C4orf36: variants seen among roughly 807,000 people sequenced by gnomAD.
The protein encoded by C4orf36 is uncharacterized protein C4orf36.
Under a neutral mutation model 12.2 loss-of-function variants are expected in C4orf36, and 11 were observed. The observed-to-expected ratio is 0.90, with a 90% CI of 0.57 to 1.49. The LOEUF is 1.49. C4orf36 is among the 40% of genes most tolerant of loss of function. C4orf36 has a pLI of 0.00. For synonymous variants in C4orf36, 54 were observed against 51.3 expected, an observed-to-expected ratio of 1.05 and a Z score of -0.22; for missense variants, 137 against 133.9, an observed-to-expected ratio of 1.02 and a Z score of -0.11.
chr4:86,885,181 G>A (rs1308380964), intron 4 of C4orf36, among the ~76,000 whole-genome samples: 4 of 152,158 alleles, frequency 2.6e-5, no homozygotes, highest in Admixed American at 6.5e-5. Flanking sequence ...GGCAATGCGG[G>A]CTCTTTTTTG....
chr4:86,905,290 G>A, the C4orf36 span, among the ~76,000 whole-genome samples: 1 of 152,036 alleles, frequency 6.6e-6, no homozygotes, highest in African/African-American at 2.4e-5. Context: ...AGCTGAGGCA[G>A]GAGAATCACT....
chr4:86,910,922 TA>T, the C4orf36 span, among the ~76,000 whole-genome samples: 170 of 141,386 alleles, frequency 1.2e-3, no homozygotes, highest in Non-Finnish European at 1.2e-3. Flanking sequence ...AAAAAATAGC[TA>T]AAAAAAAAAA....
chr4:86,907,608 C>T, the C4orf36 span, among the ~76,000 whole-genome samples: 1 of 152,048 alleles, frequency 6.6e-6, no homozygotes, highest in African/African-American at 2.4e-5. Context: ...GGAAACACAA[C>T]ACAAAGACTC....
In C4orf36 at chr4:86,891,493, T is replaced by C. The variant is rs138115166; in HGVS notation, c.28A>G (p.Thr10Ala). 41 of 1,613,958 alleles carry C rather than the reference T, an allele frequency of 2.5e-5. No homozygotes were observed. The highest frequency in any genetic ancestry group is 6.7e-5 in the Admixed American group (4 of 59,990). ...CTGCCCCGCAAAATGGTTTTCACTG[T>C]GTTCTTTCTTGGCACTCCATACGCC... MAYGVPRKN[T>A]VKTILRGSCY... is the part of the protein sequence containing the mutation. The change falls in exon 2 of 5, where the codon ACA becomes GCA. Residue 10 changes from threonine (T) to alanine (A), a missense_variant. Physicochemically the swap from Thr to Ala is moderately conservative, Grantham distance 58 (BLOSUM62 0). Coordinates refer to ENST00000295898, the MANE Select transcript of C4orf36 (RefSeq NM_144645.4).
chr4:86,891,438 A>ATTAT lies in C4orf36; in HGVS notation c.65+17_65+18insATAA. 1 of 1,612,712 alleles carries ATTAT rather than the reference A, an allele frequency of 6.2e-7. No individual in the cohort carries two copies. The highest frequency in any genetic ancestry group is 1.1e-5 in the South Asian group (1 of 90,884). On this transcript the variant is annotated intron_variant, in intron 2 of 4. Coordinates refer to ENST00000295898, the MANE Select transcript of C4orf36 (RefSeq NM_144645.4). The stretch of plus-strand genomic sequence containing the variant: ...AGTCAATGCTTACCCTGATTTAAAA[A>ATTAT]AAAAAAATAGTACTTACACATTATA...
the C4orf36 span, among the ~76,000 whole-genome samples, chr4:86,926,849 T>C: frequency 6.6e-6 from 1 of 152,236 alleles, no homozygotes. Context: ...GCATTATCAT[T>C]TCCTGCTGGC....
the C4orf36 span, among the ~76,000 whole-genome samples, chr4:86,919,179 C>T: frequency 6.6e-6 from 1 of 151,408 alleles, no homozygotes; most frequent in African/African-American, 2.4e-5. Context: ...TTATTCTATA[C>T]GTACTAAACT....
chr4:86,905,643 C>T, the C4orf36 span, among the ~76,000 whole-genome samples: 2 of 151,408 alleles, frequency 1.3e-5, no homozygotes, highest in Admixed American at 6.6e-5. Flanking sequence ...TGAGGTTGGC[C>T]CCAGAAAAAC....
At chr4:86,909,172 G>A in the C4orf36 span, among the ~76,000 whole-genome samples, 52 of 152,280 alleles carry the variant, frequency 3.4e-4, no homozygotes, top group African/African-American at 1.2e-3. Flanking sequence ...ATTATTCAGG[G>A]AAGGGGATTC....
At chr4:86,882,502 T>C (rs1268581758) in intron 4 of C4orf36, among the ~76,000 whole-genome samples, 1 of 152,152 alleles carries the variant, frequency 6.6e-6, no homozygotes, top group East Asian at 1.9e-4. Flanking sequence ...AAGCACACTC[T>C]TGCTAAATTC....
At chr4:86,917,480 G>GAAAT in the C4orf36 span, among the ~76,000 whole-genome samples, 65,654 of 135,078 alleles carry the variant, frequency 0.49, 15,982 homozygotes, top group Middle Eastern at 0.63. Flanking sequence ...AAGAAATAAA[G>GAAAT]AAAAAGAAAG....
chr4:86,914,466 T>C, the C4orf36 span: 1 of 583,560 alleles, frequency 1.7e-6, no homozygotes, highest in Non-Finnish European at 2.9e-6. Flanking sequence ...AGTGGCACGA[T>C]CTCAGCTCAC....
At chr4:86,927,672 C>T in the C4orf36 span, among the ~76,000 whole-genome samples, 1 of 151,896 alleles carries the variant, frequency 6.6e-6, no homozygotes, top group Non-Finnish European at 1.5e-5. Context: ...TGGTGGTGGG[C>T]GCCTGCAATC....
At chr4:86,932,789 A>G in the C4orf36 span, among the ~76,000 whole-genome samples, 6 of 131,620 alleles carry the variant, frequency 4.6e-5, no homozygotes, top group African/African-American at 2.3e-4. Flanking sequence ...GGTTCTGTTA[A>G]AAAAAAAAAA....
chr4:86,902,418 C>CAAAAAAAAAAAA, the C4orf36 span, among the ~76,000 whole-genome samples: 26 of 58,936 alleles, frequency 4.4e-4, no homozygotes, highest in Non-Finnish European at 4.8e-4. Context: ...ATGAGACTCT[C>CAAAAAAAAAAAA]AAAAAAAAAA....
chr4:86,891,847 C>A (rs1747429296), intron 1 of C4orf36, among the ~76,000 whole-genome samples: 1 of 152,176 alleles, frequency 6.6e-6, no homozygotes, highest in African/African-American at 2.4e-5. Context: ...TCTGCCCTTG[C>A]CTGAGCCTGC....
the C4orf36 span, among the ~76,000 whole-genome samples, chr4:86,915,077 C>T: frequency 4.6e-5 from 7 of 152,282 alleles, no homozygotes; most frequent in Non-Finnish European, 1.5e-5. Context: ...TTCATTCCCT[C>T]CCCATGCAAA....
At chr4:86,929,878 C>T in the C4orf36 span, among the ~76,000 whole-genome samples, 1 of 152,122 alleles carries the variant, frequency 6.6e-6, no homozygotes, top group African/African-American at 2.4e-5. Context: ...TATAATGGCA[C>T]CATTAACAAA....
the C4orf36 span, among the ~76,000 whole-genome samples, chr4:86,915,569 A>C: frequency 4.6e-5 from 7 of 152,172 alleles, no homozygotes; most frequent in Non-Finnish European, 1.0e-4. Flanking sequence ...GGATCACCTG[A>C]GGTTGGGAGT....
Sources: gnomAD v4.1 joint callset for allele counts (sites outside exome capture counted in the v4.1 genomes callset) on GRCh38, gnomAD v4.1.1 for gene constraint, MANE v1.5 for transcripts, NCBI Gene and HGNC (gene_info 2026-07-23, HGNC 2026-07-21) for gene names.